The following SYTL2 variants were observed in gnomAD, a reference collection of about 807,000 sequenced individuals.
The protein encoded by SYTL2 is synaptotagmin-like protein 2.
In SYTL2, 165 loss-of-function variants were observed where a neutral mutation model predicts 198.7. That is an observed-to-expected ratio of 0.83 (90% CI 0.73 to 0.94). SYTL2 has a LOEUF of 0.94. Among genes scored for constraint, SYTL2 ranks in the 40% least tolerant of loss-of-function variants. The pLI is 0.00. For missense variants in SYTL2, 2,835 were observed against 2,582.8 expected (o/e 1.10, Z -2.12); for synonymous variants, 966 against 917.7 (o/e 1.05, Z -0.95).
intron 14 of SYTL2, chr11:85,708,010 A>G: frequency 3.0e-6 from 1 of 336,134 alleles, no homozygotes; most frequent in South Asian, 2.2e-5. Context: ...ACAGAGCTAC[A>G]AAGTTAGCTG....
intron 1 of SYTL2, among the ~76,000 whole-genome samples, chr11:85,760,505 CCTTT>C (rs1202094326): frequency 1.3e-5 from 2 of 152,156 alleles, no homozygotes; most frequent in African/African-American, 4.8e-5. Context: ...TCAATTATTT[CCTTT>C]CTTTCACGTG....
In SYTL2 at chr11:85,734,156, C is replaced by A. The variant is rs370756412; in HGVS notation, c.1173G>T (p.Ser391=). ...GGCTTGAGGTTGATTGATGAAAAAG[C>A]GAAGGCTTTCTGTATTGAGAAGGCT... is the stretch of plus-strand genomic sequence containing the variant. ...DPKPSQYRKP[S]LFHQSTSSPY... Residue 391 remains serine, a synonymous_variant, in exon 7 of 20, where the codon TCG becomes TCT. Transcript: ENST00000359152. 1.2e-6 allele frequency: 2 copies of A among 1,614,130 alleles called. No individual in the cohort carries two copies. The highest frequency in any genetic ancestry group is 1.7e-6 in the Non-Finnish European group (2 of 1,179,978).
chr11:85,853,949 A>G, the SYTL2 span: 1 of 152,108 alleles, frequency 6.6e-6, no homozygotes, highest in African/African-American at 2.4e-5. Flanking sequence ...GGCTCAAGCA[A>G]TTCTTCGGCC....
At chr11:85,713,122 A>G (rs1565887702) in intron 12 of SYTL2, among the ~76,000 whole-genome samples, 1 of 152,176 alleles carries the variant, frequency 6.6e-6, no homozygotes, top group Non-Finnish European at 1.5e-5. Flanking sequence ...AAACTGTAAC[A>G]TGTGCTCTTA....
intron 1 of SYTL2, among the ~76,000 whole-genome samples, chr11:85,781,644 G>A (rs149402327): frequency 6.2e-4 from 94 of 152,324 alleles, no homozygotes; most frequent in Non-Finnish European, 1.1e-3. Flanking sequence ...TACAATGAGG[G>A]TACAGGCATT....
the SYTL2 span, among the ~76,000 whole-genome samples, chr11:85,849,862 G>A: frequency 1.7e-4 from 23 of 132,422 alleles, no homozygotes; most frequent in African/African-American, 5.2e-4. Flanking sequence ...CATTGAATCT[G>A]TAAATTACCT....
At chr11:85,759,586 C>T (rs1373165318) in intron 1 of SYTL2, among the ~76,000 whole-genome samples, 1 of 152,058 alleles carries the variant, frequency 6.6e-6, no homozygotes, top group Non-Finnish European at 1.5e-5. Flanking sequence ...CACTTTTTTT[C>T]CATCCAGCTG....
At position 85,707,377 on chromosome 11, in the gene SYTL2, T is replaced by C. The variant is rs377070629; in HGVS notation, c.6018+52A>G. On this transcript the variant is annotated intron_variant, in intron 15 of 19. Transcript: ENST00000359152. ...GTAGAGCTACTACCCAAAGAAGACA[T>C]GGTAAACAGGTCACCATCTAGGATT... 6.4e-6 allele frequency: 8 copies of C among 1,248,822 alleles called. No individual in the cohort carries two copies. In the East Asian group the frequency reaches 9.3e-5, roughly 14 times the overall value. The allele number at this position is 1,248,822 out of a possible 1,614,324, so 77.4% of individuals were successfully genotyped here.
chr11:85,825,075 C>T, the SYTL2 span, among the ~76,000 whole-genome samples: 7 of 152,276 alleles, frequency 4.6e-5, no homozygotes, highest in East Asian at 1.4e-3. Flanking sequence ...TTGTTCACTA[C>T]GCCTAATACA....
chr11:85,766,677 G>T (rs1390613599), intron 1 of SYTL2, among the ~76,000 whole-genome samples: 1 of 152,306 alleles, frequency 6.6e-6, no homozygotes, highest in East Asian at 1.9e-4. Context: ...GTATGCGCCA[G>T]AAGTTCTGAT....
intron 14 of SYTL2, chr11:85,708,063 T>C (rs777404262): frequency 5.0e-6 from 2 of 398,626 alleles, no homozygotes; most frequent in South Asian, 3.7e-5. Flanking sequence ...GTCAGGAGGC[T>C]GAGGCAGGAG....
At chr11:85,763,799 T>C (rs2092162285) in intron 1 of SYTL2, among the ~76,000 whole-genome samples, 1 of 152,040 alleles carries the variant, frequency 6.6e-6, no homozygotes. Context: ...ACAAGAAGGC[T>C]CATCCCCACC....
At chr11:85,785,326 C>A (rs1483847507) in intron 1 of SYTL2, among the ~76,000 whole-genome samples, 1 of 152,170 alleles carries the variant, frequency 6.6e-6, no homozygotes, top group Non-Finnish European at 1.5e-5. Context: ...CTCAAGCAAG[C>A]AACACAGCTG....
At chr11:85,770,901 T>C (rs2092341332) in intron 1 of SYTL2, among the ~76,000 whole-genome samples, 1 of 152,238 alleles carries the variant, frequency 6.6e-6, no homozygotes, top group South Asian at 2.1e-4. Context: ...TAGAGTCAGA[T>C]AGACCCGAAT....
At chr11:85,760,683 T>A (rs2092071943) in intron 1 of SYTL2, among the ~76,000 whole-genome samples, 1 of 152,030 alleles carries the variant, frequency 6.6e-6, no homozygotes. Context: ...AATGAAAAAC[T>A]TAGGTCGTCT....
At chr11:85,847,823 C>T in the SYTL2 span, among the ~76,000 whole-genome samples, 4 of 151,892 alleles carry the variant, frequency 2.6e-5, no homozygotes, top group Non-Finnish European at 5.9e-5. Context: ...TGGTTTTTTT[C>T]CTATTGAGCT....
intron 7 of SYTL2, among the ~76,000 whole-genome samples, chr11:85,728,972 C>G (rs888130350): frequency 6.6e-6 from 1 of 152,018 alleles, no homozygotes; most frequent in Non-Finnish European, 1.5e-5. Context: ...TTCAATCCAA[C>G]AAAGATCAAA....
At chr11:85,852,987 G>GC in the SYTL2 span, 1 of 313,642 alleles carries the variant, frequency 3.2e-6, no homozygotes, top group African/African-American at 2.4e-5. Context: ...CCCAGCAGCC[G>GC]CCCCGTCTGA....
chr11:85,827,445 G>A, the SYTL2 span, among the ~76,000 whole-genome samples: 15 of 152,178 alleles, frequency 9.9e-5, no homozygotes, highest in African/African-American at 3.6e-4. Flanking sequence ...TCTCTCTTCA[G>A]TCTTCACAAT....
Sources: gnomAD v4.1 joint callset for allele counts (sites outside exome capture counted in the v4.1 genomes callset) on GRCh38, gnomAD v4.1.1 for gene constraint, MANE v1.5 for transcripts, NCBI Gene and HGNC (gene_info 2026-07-23, HGNC 2026-07-21) for gene names.